The following SERPINB7 variants were observed in gnomAD, a reference collection of about 807,000 sequenced individuals.
SERPINB7 encodes serpin B7.
SERPINB7 carries 31 observed loss-of-function variants against 37.4 expected under a neutral mutation model. The observed-to-expected ratio is 0.83, with a 90% CI of 0.62 to 1.12. The LOEUF (loss-of-function observed/expected upper bound fraction) is 1.12. Among genes scored for constraint, SERPINB7 ranks in the 50% most tolerant of loss-of-function variants. The pLI is 0.00. For missense variants in SERPINB7, 521 were observed against 455.3 expected, an observed-to-expected ratio of 1.14 and a Z score of -1.31; for synonymous variants, 163 against 166.1, an observed-to-expected ratio of 0.98 and a Z score of 0.14.
rs2049388975 is a variant in SERPINB7, at chr18:63,787,903, AT to A, written c.169-4488del. Reference sequence around the variant, plus strand: ...ATTATAATGAAACTGAGGTATTACTATTGTCTAGTGATGTTGCAGCCATCAT... The same window carrying A: ...ATTATAATGAAACTGAGGTATTACTATGTCTAGTGATGTTGCAGCCATCAT... On this transcript the variant is annotated intron_variant, in intron 2 of 7. Coordinates refer to ENST00000398019, the MANE Select transcript of SERPINB7 (RefSeq NM_003784.4). Among the ~76,000 whole-genome samples, 6 of 152,182 alleles carry A rather than the reference AT, an allele frequency of 3.9e-5. No homozygotes were observed. The South Asian group carries it at 1.2e-3, about 32-fold the overall frequency.
intron 2 of SERPINB7, among the ~76,000 whole-genome samples, chr18:63,791,711 C>T (rs568782063): frequency 7.9e-5 from 12 of 152,108 alleles, no homozygotes; most frequent in African/African-American, 2.2e-4. Flanking sequence ...CCTGGGTTCA[C>T]GCCATTCTCC....
chr18:63,768,400 A>G (rs906887609), intron 1 of SERPINB7, among the ~76,000 whole-genome samples: 1 of 152,186 alleles, frequency 6.6e-6, no homozygotes, highest in Admixed American at 6.6e-5. Context: ...CTATACATGT[A>G]TAATGATATC....
upstream of SERPINB7, among the ~76,000 whole-genome samples, chr18:63,771,547 G>T (rs1330689224): frequency 6.6e-6 from 1 of 151,990 alleles, no homozygotes; most frequent in Non-Finnish European, 1.5e-5. Flanking sequence ...CACATACACA[G>T]AACATATTGT....
At chr18:63,785,730 G>GTT (rs572515066) in intron 2 of SERPINB7, among the ~76,000 whole-genome samples, 9 of 150,318 alleles carry the variant, frequency 6.0e-5, no homozygotes, top group Admixed American at 1.3e-4. Context: ...GTTGTGTTTT[G>GTT]TTTTTTTTGT....
intron 1 of SERPINB7, among the ~76,000 whole-genome samples, chr18:63,757,133 A>G (rs2049127089): frequency 6.6e-6 from 1 of 152,142 alleles, no homozygotes; most frequent in Non-Finnish European, 1.5e-5. Flanking sequence ...GACCTTTGTA[A>G]GATGGATAGA....
chr18:63,774,011 G>C (rs958070113), upstream of SERPINB7, among the ~76,000 whole-genome samples: 2 of 152,150 alleles, frequency 1.3e-5, no homozygotes, highest in African/African-American at 4.8e-5. Flanking sequence ...GAAATAGAAA[G>C]GATATGGGAT....
chr18:63,762,536 G>A (rs902526061), intron 1 of SERPINB7, among the ~76,000 whole-genome samples: 1 of 152,190 alleles, frequency 6.6e-6, no homozygotes, highest in African/African-American at 2.4e-5. Context: ...AATGGGAAGA[G>A]ATTATATGTA....
intron 1 of SERPINB7, among the ~76,000 whole-genome samples, chr18:63,755,098 G>T (rs567942704): frequency 6.6e-6 from 1 of 151,774 alleles, no homozygotes; most frequent in African/African-American, 2.4e-5. Context: ...TAGAGACGGG[G>T]TTTCACCTTG....
rs1186373102 is a variant in SERPINB7, at chr18:63,798,648, G to T, written c.499G>T (p.Ala167Ser). Reference protein sequence around the residue: ...VIGEGGISSSAVMVLVNAVYF... With the variant: ...VIGEGGISSSSVMVLVNAVYF... ...TGGTGAAGGTGGCATAAGCTCATCT[G>T]CTGTAATGGTGCTGGTGAATGCTGT... Residue 167 changes from alanine (A) to serine (S), a missense_variant, in exon 6 of 8, where the codon GCT becomes TCT. By Grantham distance (99) the Ala-to-Ser change is moderately conservative (BLOSUM62 1). Transcript: ENST00000398019. The T allele has an allele frequency of 4.4e-6, 7 of 1,608,700 alleles. No homozygotes were observed. The African/African-American group carries it at 9.4e-5, about 22-fold the overall frequency.
At position 63,777,130 on chromosome 18, in the gene SERPINB7, C is replaced by G. The variant is rs111878166; in HGVS notation, c.-19+1414C>G. Among the ~76,000 whole-genome samples, 84 of 152,148 alleles carry G rather than the reference C, an allele frequency of 5.5e-4. 1 individual carries two copies. The highest frequency in any genetic ancestry group is 2.0e-3 in the African/African-American group (83 of 41,528). ...TGAGAGGGACAGCTCACCTGCCTCC[C>G]TTAAATACAATGTTCCCCAAATACA... On this transcript the variant is annotated intron_variant, in intron 1 of 7. Transcript: ENST00000398019.
chr18:63,763,285 A>ATACTATGC (rs943963282), intron 1 of SERPINB7, among the ~76,000 whole-genome samples: 2 of 152,206 alleles, frequency 1.3e-5, no homozygotes, highest in African/African-American at 4.8e-5. Flanking sequence ...ACAAGCAGAA[A>ATACTATGC]TACTATGCTA....
intron 7 of SERPINB7, among the ~76,000 whole-genome samples, chr18:63,802,446 C>G (rs996951715): frequency 1.3e-5 from 2 of 152,098 alleles, no homozygotes; most frequent in African/African-American, 4.8e-5. Context: ...TTATTGAGCA[C>G]CTACTACATC....
intron 3 of SERPINB7, 122 bp downstream of exon 3, chr18:63,792,565 C>G: frequency 3.2e-6 from 2 of 627,040 alleles, no homozygotes; most frequent in South Asian, 4.1e-5. Context: ...GAGTTCAAGA[C>G]CAGCCTGGGC....
intron 2 of SERPINB7, among the ~76,000 whole-genome samples, chr18:63,785,912 C>G (rs950998144): frequency 6.2e-5 from 7 of 113,028 alleles, no homozygotes; most frequent in African/African-American, 2.8e-4. Flanking sequence ...CGTATATATA[C>G]ACATATATAA....
chr18:63,767,060 C>T (rs17708478), intron 1 of SERPINB7, among the ~76,000 whole-genome samples: 30,399 of 152,144 alleles, frequency 0.2, 3,592 homozygotes, highest in Middle Eastern at 0.31. Context: ...CTGTCCTATG[C>T]TGAGTAAGAG....
At chr18:63,773,397 T>C (rs1470979605), upstream of SERPINB7, among the ~76,000 whole-genome samples, 1 of 152,060 alleles carries the variant, frequency 6.6e-6, no homozygotes, top group Non-Finnish European at 1.5e-5. Context: ...CATTAAGTAT[T>C]CCCAGGTCAT....
intron 2 of SERPINB7, among the ~76,000 whole-genome samples, chr18:63,783,230 G>GAAAA (rs2049327518): frequency 1.6e-5 from 1 of 61,866 alleles, no homozygotes; most frequent in African/African-American, 5.3e-5. Context: ...GAGAGAGAGA[G>GAAAA]AGAGAAAGAA....
chr18:63,798,630 G>A lies in SERPINB7; in HGVS notation c.481G>A (p.Gly161Ser). 1.3e-6 allele frequency: 2 copies of A among 1,579,436 alleles called. No individual in the cohort carries two copies. The highest frequency in any genetic ancestry group is 2.3e-5 in the East Asian group (1 of 43,126). Residue 161 changes from glycine (G) to serine (S), a missense_variant, in exon 6 of 8, where the codon GGT becomes AGT. Transcript: ENST00000398019. ...CAAAATCAAGAACGTGATTGGTGAA[G>A]GTGGCATAAGCTCATCTGCTGTAAT... Reference protein sequence around the residue: ...HGKIKNVIGEGGISSSAVMVL... With the variant: ...HGKIKNVIGESGISSSAVMVL...
chr18:63,786,142 TAC>T (rs55971632), intron 2 of SERPINB7, among the ~76,000 whole-genome samples: 461 of 45,898 alleles, frequency 0.01, 20 homozygotes, highest in Non-Finnish European at 0.013. Context: ...TATACATATA[TAC>T]ACACACACAC....
Sources: gnomAD v4.1 joint callset for allele counts (sites outside exome capture counted in the v4.1 genomes callset) on GRCh38, gnomAD v4.1.1 for gene constraint, MANE v1.5 for transcripts, NCBI Gene and HGNC (gene_info 2026-07-23, HGNC 2026-07-21) for gene names.